Variants in IL1RAPL1 observed in about 807,000 individuals in gnomAD.
The protein encoded by IL1RAPL1 is interleukin-1 receptor accessory protein-like 1.
Under a neutral mutation model 48.4 loss-of-function variants are expected in IL1RAPL1, and 3 were observed. The observed-to-expected ratio is 0.06, with a 90% CI of 0.03 to 0.16. IL1RAPL1 has a LOEUF of 0.16. IL1RAPL1 is among the 10% of genes least tolerant of loss of function. The pLI, the probability that IL1RAPL1 is intolerant of heterozygous loss-of-function variation, is 1.00. For missense variants in IL1RAPL1, 349 were observed against 530.6 expected (o/e 0.66, Z 3.36); for synonymous variants, 185 against 187.7 (o/e 0.99, Z 0.12).
intron 1 of IL1RAPL1, among the ~76,000 whole-genome samples, chrX:28,607,162 A>G (rs779645406): frequency 9.2e-6 from 1 of 109,124 alleles, no homozygotes; most frequent in East Asian, 2.9e-4. Flanking sequence ...TCATTCGCAT[A>G]GCTTAGTCTT....
chrX:29,676,350 C>T (rs1471693710), intron 6 of IL1RAPL1, among the ~76,000 whole-genome samples: 1 of 111,909 alleles, frequency 8.9e-6, no homozygotes, highest in African/African-American at 3.2e-5. Flanking sequence ...TTTTGAATGT[C>T]AATGCTTATT....
intron 2 of IL1RAPL1, among the ~76,000 whole-genome samples, chrX:29,169,917 A>G (rs1481746038): frequency 9.0e-6 from 1 of 111,512 alleles, no homozygotes; most frequent in Admixed American, 9.6e-5. Context: ...ATTATAAAAT[A>G]CACAATAGAA....
chrX:29,870,356 C>T (rs1376169467), intron 6 of IL1RAPL1, among the ~76,000 whole-genome samples: 1 of 112,045 alleles, frequency 8.9e-6, no homozygotes, highest in African/African-American at 3.2e-5. Flanking sequence ...GATACCTAGG[C>T]TCAATCACAG....
intron 2 of IL1RAPL1, among the ~76,000 whole-genome samples, chrX:29,006,647 A>ATG (rs547186942): frequency 0.14 from 10,759 of 76,687 alleles, 744 homozygotes; most frequent in East Asian, 0.2. Context: ...GTTTATATAT[A>ATG]TGTGTGTGTG....
intron 6 of IL1RAPL1, among the ~76,000 whole-genome samples, chrX:29,867,590 C>G (rs971879110): frequency 2.7e-5 from 3 of 111,950 alleles, no homozygotes; most frequent in African/African-American, 9.7e-5. Flanking sequence ...AATAAATTCT[C>G]GTTTATAAAT....
intron 1 of IL1RAPL1, among the ~76,000 whole-genome samples, chrX:28,766,070 G>A (rs991332057): frequency 2.7e-5 from 3 of 111,433 alleles, no homozygotes; most frequent in Admixed American, 1.9e-4. Context: ...TTTCAATGAC[G>A]TATAATCCTT....
intron 2 of IL1RAPL1, among the ~76,000 whole-genome samples, chrX:29,221,640 C>T (rs778894258): frequency 8.3e-4 from 70 of 84,294 alleles, no homozygotes; most frequent in African/African-American, 3.6e-3. Context: ...CACACACACA[C>T]ACACACACAC....
intron 2 of IL1RAPL1, among the ~76,000 whole-genome samples, chrX:29,071,510 T>G (rs138155606): frequency 5.9e-3 from 660 of 112,002 alleles, no homozygotes; most frequent in Non-Finnish European, 9.2e-3. Flanking sequence ...AATTTTGTTA[T>G]TACTGCCCTT....
intron 5 of IL1RAPL1, among the ~76,000 whole-genome samples, chrX:29,507,120 T>C (rs1436140812): frequency 2.7e-5 from 3 of 109,799 alleles, no homozygotes; most frequent in Admixed American, 9.6e-5. Context: ...CTCAGTGTTG[T>C]GCATTTGTTT....
At position 29,488,377 on chromosome X, in the gene IL1RAPL1, G is replaced by A. The variant is rs139693040; in HGVS notation, c.703+89069G>A. On this transcript the variant is annotated intron_variant, in intron 5 of 10. Coordinates refer to ENST00000378993, the MANE Select transcript of IL1RAPL1 (RefSeq NM_014271.4). ...CACTTGAACCCAGGAGGCAGAGGTT[G>A]CAGTGAGCTGAGATCATGCTACTGC... Among the ~76,000 whole-genome samples the A allele has an allele frequency of 4.3e-3, 478 of 112,240 alleles. 6 individuals carry two copies. The highest frequency in any genetic ancestry group is 0.015 in the African/African-American group (456 of 30,871).
intron 5 of IL1RAPL1, among the ~76,000 whole-genome samples, chrX:29,537,036 C>T (rs1921258224): frequency 9.1e-6 from 1 of 110,195 alleles, no homozygotes; most frequent in Non-Finnish European, 1.9e-5. Flanking sequence ...ATGTAGAGTA[C>T]ACATATAATT....
chrX:29,687,295 A>G (rs1926651496), intron 6 of IL1RAPL1, among the ~76,000 whole-genome samples: 1 of 112,385 alleles, frequency 8.9e-6, no homozygotes, highest in Non-Finnish European at 1.9e-5. Context: ...TATGTTGTAT[A>G]TACACAATGA....
intron 5 of IL1RAPL1, among the ~76,000 whole-genome samples, chrX:29,663,118 G>T (rs1925897343): frequency 8.9e-6 from 1 of 112,030 alleles, no homozygotes; most frequent in Non-Finnish European, 1.9e-5. Context: ...AAACATTCCA[G>T]GCCAAAGAAA....
chrX:28,620,742 C>T (rs767217020), intron 1 of IL1RAPL1, among the ~76,000 whole-genome samples: 1 of 111,648 alleles, frequency 9.0e-6, no homozygotes, highest in Non-Finnish European at 1.9e-5. Context: ...CAATCTAGTA[C>T]AGAGGAAAAG....
chrX:28,960,862 T>C (rs1285710739), intron 2 of IL1RAPL1, among the ~76,000 whole-genome samples: 1 of 108,469 alleles, frequency 9.2e-6, no homozygotes, highest in Admixed American at 9.9e-5. Context: ...TACAAAAAAT[T>C]AGCCAGGCGT....
chrX:28,796,176 C>T (rs1449146205), intron 2 of IL1RAPL1, among the ~76,000 whole-genome samples: 2 of 111,898 alleles, frequency 1.8e-5, no homozygotes, highest in Non-Finnish European at 3.8e-5. Flanking sequence ...GGGTTCCTCC[C>T]ATGACAGGTG....
chrX:29,013,598 A>C (rs1926174774), intron 2 of IL1RAPL1, among the ~76,000 whole-genome samples: 1 of 111,814 alleles, frequency 8.9e-6, no homozygotes, highest in Admixed American at 9.6e-5. Context: ...ATCCTCAGCA[A>C]ACTAATGCAG....
At chrX:29,314,396 G>A (rs1169610856) in intron 3 of IL1RAPL1, among the ~76,000 whole-genome samples, 4 of 112,019 alleles carry the variant, frequency 3.6e-5, no homozygotes, top group Non-Finnish European at 5.6e-5. Flanking sequence ...ATAAGTAAGG[G>A]AGTTCATCAT....
chrX:28,709,401 T>G (rs1052195174), intron 1 of IL1RAPL1, among the ~76,000 whole-genome samples: 1 of 111,938 alleles, frequency 8.9e-6, no homozygotes, highest in African/African-American at 3.2e-5. Flanking sequence ...TAGTTAACTT[T>G]CACAAGGTCA....
Sources: allele counts gnomAD v4.1 joint callset (sites outside exome capture counted in the v4.1 genomes callset), GRCh38; gene constraint gnomAD v4.1.1; transcripts MANE v1.5; gene names NCBI Gene and HGNC (gene_info 2026-07-23, HGNC 2026-07-21).